Variants in GAB2 observed in about 807,000 individuals in gnomAD.
GAB2 encodes GRB2 associated binding protein 2.
GAB2 carries 26 observed loss-of-function variants against 65.5 expected under a neutral mutation model. The ratio of observed to expected loss-of-function variants is 0.40; its 90% CI spans 0.29 to 0.55. The LOEUF is 0.55. GAB2 is among the 20% of genes least tolerant of loss of function. GAB2 has a pLI of 0.53. For missense variants in GAB2, 884 were observed against 875.8 expected (o/e 1.01, Z -0.12); for synonymous variants, 321 against 329.6 (o/e 0.97, Z 0.28).
At chr11:78,331,686 G>C (rs1005589810) in intron 1 of GAB2, among the ~76,000 whole-genome samples, 36 of 152,298 alleles carry the variant, frequency 2.4e-4, no homozygotes, top group African/African-American at 7.5e-4. Context: ...GAAGTCCTCA[G>C]GATAAGAGGA....
chr11:78,370,549 A>G (rs926249276), intron 1 of GAB2, among the ~76,000 whole-genome samples: 1 of 152,158 alleles, frequency 6.6e-6, no homozygotes, highest in Non-Finnish European at 1.5e-5. Context: ...ATCTCAGAGC[A>G]GAGAGTGGGG....
At chr11:78,287,982 G>A (rs1866532818) in intron 1 of GAB2, among the ~76,000 whole-genome samples, 2 of 151,896 alleles carry the variant, frequency 1.3e-5, no homozygotes, top group South Asian at 2.1e-4. Context: ...ATTGCTGGAA[G>A]TTCTTGTCAA....
At chr11:78,222,505 TAA>T (rs1230345051) in intron 6 of GAB2, among the ~76,000 whole-genome samples, 17 of 148,750 alleles carry the variant, frequency 1.1e-4, no homozygotes, top group Admixed American at 3.4e-4. Context: ...CATTTAAAAA[TAA>T]AAGACTATAT....
At chr11:78,345,970 T>G (rs751866043) in intron 1 of GAB2, among the ~76,000 whole-genome samples, 1 of 152,180 alleles carries the variant, frequency 6.6e-6, no homozygotes, top group Non-Finnish European at 1.5e-5. Context: ...TTTGATCCTC[T>G]CCGTATTAGA....
At chr11:78,346,673 C>CCACA (rs758099602) in intron 1 of GAB2, among the ~76,000 whole-genome samples, 3 of 41,024 alleles carry the variant, frequency 7.3e-5, no homozygotes, top group Non-Finnish European at 1.3e-4. Flanking sequence ...TACATCCCCT[C>CCACA]CATATATATA....
intron 1 of GAB2, among the ~76,000 whole-genome samples, chr11:78,318,621 C>T (rs1237239433): frequency 6.6e-6 from 1 of 152,090 alleles, no homozygotes; most frequent in African/African-American, 2.4e-5. Flanking sequence ...AAGCAGCTCC[C>T]ACAGATAAAG....
At chr11:78,353,884 T>A (rs1256593205) in intron 1 of GAB2, among the ~76,000 whole-genome samples, 4 of 152,164 alleles carry the variant, frequency 2.6e-5, no homozygotes, top group African/African-American at 9.7e-5. Context: ...AACTACAAAA[T>A]AAAGAAGTGG....
intron 1 of GAB2, among the ~76,000 whole-genome samples, chr11:78,292,379 T>C (rs1429394837): frequency 6.6e-6 from 1 of 152,230 alleles, no homozygotes; most frequent in Non-Finnish European, 1.5e-5. Context: ...ATTTGAGACC[T>C]TGAGAAGTCC....
At chr11:78,398,021 TAC>T (rs1554999817) in intron 1 of GAB2, among the ~76,000 whole-genome samples, 25 of 112,142 alleles carry the variant, frequency 2.2e-4, no homozygotes, top group Admixed American at 2.9e-4. Context: ...TGTGAATAGC[TAC>T]ACACACACAC....
Position 78,250,275 on chromosome 11 carries a change from T to C in GAB2, c.502A>G (p.Thr168Ala). The change falls in exon 3 of 10, where the codon ACT becomes GCT. Residue 168 changes from threonine to alanine, a missense_variant. By Grantham distance (58) the Thr-to-Ala change is moderately conservative (BLOSUM62 0). Transcript: ENST00000361507. Reference sequence around the variant, plus strand: ...ACAGGGGGTTCAAACGTGAACAGAGTTGGCTGGCTGGAGTGTGATGGGGCT... The same window carrying C: ...ACAGGGGGTTCAAACGTGAACAGAGCTGGCTGGCTGGAGTGTGATGGGGCT... The part of the protein sequence containing the change: ...SSAPSHSSQP[T>A]LFTFEPPVSN... The C allele has an allele frequency of 6.2e-7, 1 of 1,612,852 alleles. No homozygotes were observed. Among genetic ancestry groups the C allele is most frequent in the Non-Finnish European group, 8.5e-7 (1 of 1,179,712 alleles).
intron 3 of GAB2, among the ~76,000 whole-genome samples, chr11:78,238,168 T>C (rs1865032120): frequency 7.5e-6 from 1 of 134,158 alleles, no homozygotes; most frequent in African/African-American, 2.9e-5. Context: ...ATCCTTCACA[T>C]GCACCCTGCA....
chr11:78,233,881 G>T (rs1162925573), intron 3 of GAB2, among the ~76,000 whole-genome samples: 3 of 152,244 alleles, frequency 2.0e-5, no homozygotes, highest in Admixed American at 6.5e-5. Context: ...AAAGTGCTGA[G>T]ATTACAGGCG....
In GAB2 at chr11:78,216,529, C is replaced by G. The variant is rs1864155177; in HGVS notation, c.*2743G>C. ...CAAAAGGTCAATTTCACCTCTCATC[C>G]TTCCATCTCTACCCCTACACTTGCA... On this transcript the variant is annotated 3_prime_UTR_variant, in exon 10 of 10. Coordinates refer to ENST00000361507, the MANE Select transcript of GAB2 (RefSeq NM_080491.3). 1 of 152,188 alleles carries G rather than the reference C, an allele frequency of 6.6e-6. No homozygotes were observed. The highest frequency in any genetic ancestry group is 2.1e-4 in the South Asian group (1 of 4,828). 9.4% of individuals were successfully genotyped at this position (152,188 alleles called of 1,614,324 possible).
At chr11:78,239,910 A>G (rs886169599) in intron 3 of GAB2, among the ~76,000 whole-genome samples, 2 of 152,096 alleles carry the variant, frequency 1.3e-5, no homozygotes, top group African/African-American at 4.8e-5. Flanking sequence ...AGAGGTGAGT[A>G]GCCATGGCTC....
intron 1 of GAB2, among the ~76,000 whole-genome samples, chr11:78,372,138 C>G (rs1228866493): frequency 1.3e-5 from 2 of 152,056 alleles, no homozygotes; most frequent in African/African-American, 4.8e-5. Context: ...TCTTTTAATT[C>G]TATGCATTTT....
intron 3 of GAB2, among the ~76,000 whole-genome samples, chr11:78,248,513 T>G (rs1865357793): frequency 6.6e-6 from 1 of 152,230 alleles, no homozygotes; most frequent in African/African-American, 2.4e-5. Flanking sequence ...TGCAAGGCAC[T>G]ACAGCTAAGT....
chr11:78,374,451 G>A (rs117075620), intron 1 of GAB2, among the ~76,000 whole-genome samples: 1 of 152,112 alleles, frequency 6.6e-6, no homozygotes, highest in Non-Finnish European at 1.5e-5. Context: ...GGTTACCCGG[G>A]GGGGAACCTG....
intron 1 of GAB2, among the ~76,000 whole-genome samples, chr11:78,406,587 A>G (rs1857048036): frequency 6.6e-6 from 1 of 152,052 alleles, no homozygotes; most frequent in African/African-American, 2.4e-5. Flanking sequence ...CATGTTGGCC[A>G]GGCTGGTCTT....
chr11:78,291,851 A>C (rs901278411), intron 1 of GAB2, among the ~76,000 whole-genome samples: 1 of 151,908 alleles, frequency 6.6e-6, no homozygotes, highest in Non-Finnish European at 1.5e-5. Context: ...CAGATGAGCC[A>C]CTGTACCCAG....
Sources: allele counts gnomAD v4.1 joint callset (sites outside exome capture counted in the v4.1 genomes callset), GRCh38; gene constraint gnomAD v4.1.1; transcripts MANE v1.5; gene names NCBI Gene and HGNC (gene_info 2026-07-23, HGNC 2026-07-21).